The following GPR158 variants were observed in gnomAD, a reference collection of about 807,000 sequenced individuals.
The protein encoded by GPR158 is G protein-coupled receptor 158.
GPR158 carries 30 observed loss-of-function variants against 78.2 expected under a neutral mutation model. The ratio of observed to expected loss-of-function variants is 0.38; its 90% CI spans 0.29 to 0.52. The LOEUF (loss-of-function observed/expected upper bound fraction) is 0.52. GPR158 is among the 20% of genes least tolerant of loss of function. The pLI is 0.83. For missense variants in GPR158, 1,463 were observed against 1,523.5 expected, an observed-to-expected ratio of 0.96 and a Z score of 0.66; for synonymous variants, 581 against 591.1, an observed-to-expected ratio of 0.98 and a Z score of 0.25.
rs910839856 is a variant in GPR158 at position 25,192,156 on chromosome 10, A to G, written c.902+15834A>G. The stretch of plus-strand genomic sequence containing the variant: ...GGGCAGCTTCCCCTGAGCTGTTCTC[A>G]TGATAGTGAGGGAGATCTCACGAGA... On this transcript the variant is annotated intron_variant, in intron 1 of 10. Coordinates refer to ENST00000376351, the MANE Select transcript of GPR158 (RefSeq NM_020752.3). Among the ~76,000 whole-genome samples, 23 of 152,118 alleles carry G rather than the reference A, an allele frequency of 1.5e-4. 1 individual carries two copies. The highest frequency in any genetic ancestry group is 7.3e-5 in the Non-Finnish European group (5 of 68,030).
chr10:25,388,525 G>A (rs549269875), intron 2 of GPR158, among the ~76,000 whole-genome samples: 136 of 152,380 alleles, frequency 8.9e-4, no homozygotes, highest in African/African-American at 3.1e-3. Flanking sequence ...AGTCATTTTT[G>A]TGGGGTTGGC....
chr10:25,181,962 C>G (rs1398850136), intron 1 of GPR158, among the ~76,000 whole-genome samples: 3 of 152,086 alleles, frequency 2.0e-5, no homozygotes, highest in Non-Finnish European at 2.9e-5. Flanking sequence ...AGGTGATCCA[C>G]CTGCCTCAGC....
At chr10:25,344,721 A>G (rs1855349636) in intron 2 of GPR158, among the ~76,000 whole-genome samples, 1 of 151,958 alleles carries the variant, frequency 6.6e-6, no homozygotes, top group Non-Finnish European at 1.5e-5. Context: ...TATTTGCTGT[A>G]CTTGGCCCTG....
chr10:25,197,133 G>T (rs1486941027), intron 1 of GPR158, among the ~76,000 whole-genome samples: 1 of 152,138 alleles, frequency 6.6e-6, no homozygotes, highest in African/African-American at 2.4e-5. Flanking sequence ...AGAAACATAT[G>T]ATCTGTTCAC....
At chr10:25,226,645 ACTTTT>A (rs900510004) in intron 2 of GPR158, among the ~76,000 whole-genome samples, 36 of 152,188 alleles carry the variant, frequency 2.4e-4, no homozygotes, top group Admixed American at 1.2e-3. Context: ...TTGTAGCACA[ACTTTT>A]CTTTTCTCCT....
chr10:25,263,931 T>C (rs1854004831), intron 2 of GPR158, among the ~76,000 whole-genome samples: 1 of 152,134 alleles, frequency 6.6e-6, no homozygotes, highest in Admixed American at 6.5e-5. Flanking sequence ...AGTGAGACTG[T>C]CTTTAAAAAA....
chr10:25,431,969 T>A (rs6482483), intron 4 of GPR158, among the ~76,000 whole-genome samples: 106,019 of 151,554 alleles, frequency 0.7, 38,083 homozygotes, highest in Non-Finnish European at 0.8. Context: ...AACCTGCACA[T>A]TGTGCACATG....
intron 4 of GPR158, among the ~76,000 whole-genome samples, chr10:25,448,243 C>G (rs1835165051): frequency 6.6e-6 from 1 of 151,814 alleles, no homozygotes. Flanking sequence ...CGCCACCACG[C>G]CTGGCTAATT....
At chr10:25,287,379 C>CT (rs948087890) in intron 2 of GPR158, among the ~76,000 whole-genome samples, 1 of 151,948 alleles carries the variant, frequency 6.6e-6, no homozygotes, top group Non-Finnish European at 1.5e-5. Context: ...GTTTTCATGT[C>CT]TTTTTTTGAG....
At chr10:25,352,451 T>G (rs1237966323) in intron 2 of GPR158, among the ~76,000 whole-genome samples, 1 of 152,012 alleles carries the variant, frequency 6.6e-6, no homozygotes, top group Non-Finnish European at 1.5e-5. Context: ...AATATCTTAG[T>G]TTTTAGAACC....
intron 5 of GPR158, among the ~76,000 whole-genome samples, chr10:25,492,865 TA>T (rs1378670490): frequency 6.7e-6 from 1 of 148,458 alleles, no homozygotes; most frequent in Non-Finnish European, 1.5e-5. Context: ...ATTTTAATAT[TA>T]ATATATAATT....
chr10:25,285,102 A>G (rs1329323357), intron 2 of GPR158, among the ~76,000 whole-genome samples: 2 of 147,966 alleles, frequency 1.4e-5, no homozygotes, highest in Non-Finnish European at 1.5e-5. Flanking sequence ...ATGCATGTGC[A>G]TAAATCTACA....
chr10:25,257,372 A>G (rs1406071577), intron 2 of GPR158, among the ~76,000 whole-genome samples: 1 of 152,228 alleles, frequency 6.6e-6, no homozygotes, highest in Non-Finnish European at 1.5e-5. Flanking sequence ...TACTCAAACC[A>G]TAGGAATGCC....
chr10:25,258,887 G>A (rs1342968873), intron 2 of GPR158, among the ~76,000 whole-genome samples: 1 of 152,120 alleles, frequency 6.6e-6, no homozygotes, highest in East Asian at 1.9e-4. Flanking sequence ...AATTAACATA[G>A]TTTGTATGTT....
rs76858677 is a variant in GPR158 at position 25,333,547 on chromosome 10, C to T, written c.1009-62364C>T. Among the ~76,000 whole-genome samples, 880 of 152,138 alleles carry T rather than the reference C, an allele frequency of 5.8e-3. 9 individuals carry two copies. Among genetic ancestry groups the T allele is most frequent in the African/African-American group, 0.02 (838 of 41,524 alleles). On this transcript the variant is annotated intron_variant, in intron 2 of 10. Transcript: ENST00000376351. The stretch of plus-strand genomic sequence containing the variant: ...GTTACAACCCATCCCCAATGTAAGA[C>T]GTTAGTACTGTAATGACGCACTTGT...
intron 5 of GPR158, among the ~76,000 whole-genome samples, chr10:25,492,139 G>A (rs1260613817): frequency 6.6e-6 from 1 of 151,940 alleles, no homozygotes; most frequent in Non-Finnish European, 1.5e-5. Flanking sequence ...GAAAGAGAGA[G>A]CAAGAAGATG....
At chr10:25,219,122 A>T (rs1195636384) in intron 1 of GPR158, among the ~76,000 whole-genome samples, 1 of 152,228 alleles carries the variant, frequency 6.6e-6, no homozygotes, top group Non-Finnish European at 1.5e-5. Flanking sequence ...TTCGATTGAA[A>T]GTTCTGATAG....
chr10:25,239,623 G>A (rs1271558639), intron 2 of GPR158, among the ~76,000 whole-genome samples: 1 of 135,004 alleles, frequency 7.4e-6, no homozygotes, highest in Non-Finnish European at 1.6e-5. Flanking sequence ...AAAAAAAAAA[G>A]TTATCACCAA....
chr10:25,470,754 A>T (rs1835488638), intron 5 of GPR158, among the ~76,000 whole-genome samples: 1 of 152,174 alleles, frequency 6.6e-6, no homozygotes, highest in South Asian at 2.1e-4. Flanking sequence ...GCAGATATTT[A>T]ACCAAAGTCA....
Sources: allele counts gnomAD v4.1 joint callset (sites outside exome capture counted in the v4.1 genomes callset), GRCh38; gene constraint gnomAD v4.1.1; transcripts MANE v1.5; gene names NCBI Gene and HGNC (gene_info 2026-07-23, HGNC 2026-07-21).